The following TMEM232 variants were observed in gnomAD, a reference collection of about 807,000 sequenced individuals.
TMEM232 encodes transmembrane protein 232.
A neutral mutation model predicts 78.8 loss-of-function variants in TMEM232; 80 were observed. The observed-to-expected ratio is 1.01, with a 90% CI of 0.85 to 1.22. The LOEUF is 1.22. Ranked by LOEUF, TMEM232 falls within the 50% of genes most tolerant of loss-of-function variation. The pLI, the probability that TMEM232 is intolerant of heterozygous loss-of-function variation, is 0.00. For synonymous variants in TMEM232, 297 were observed against 254.3 expected (o/e 1.17, Z -1.60); for missense variants, 881 against 742.2 (o/e 1.19, Z -2.17).
At position 110,409,509 on chromosome 5, in the gene TMEM232, G is replaced by A. The variant is rs531419826; in HGVS notation, n.309-11655C>T. ...TTTATAATGAATGTGATTCTTAGAA[G>A]CATTGGAAAATGATATATCTCTGGT... On this transcript the variant is annotated intron_variant and non_coding_transcript_variant, in intron 2 of 8. Transcript: ENST00000507188. Among the ~76,000 whole-genome samples the A allele has an allele frequency of 4.6e-5, 7 of 152,294 alleles. No individual in the cohort carries two copies. In the South Asian group the frequency reaches 1.2e-3, roughly 27 times the overall value.
At chr5:110,488,086 T>C (rs985016282) in intron 12 of TMEM232, among the ~76,000 whole-genome samples, 1 of 151,992 alleles carries the variant, frequency 6.6e-6, no homozygotes, top group African/African-American at 2.4e-5. Context: ...GCTAGGAGGG[T>C]TGTATTTTTC....
intron 12 of TMEM232, among the ~76,000 whole-genome samples, chr5:110,521,933 G>C (rs1039733303): frequency 6.6e-6 from 1 of 151,994 alleles, no homozygotes; most frequent in Non-Finnish European, 1.5e-5. Context: ...GATTGATTTG[G>C]CTATTCACAA....
intron 2 of TMEM232, among the ~76,000 whole-genome samples, chr5:110,404,767 A>G (rs191084550): frequency 8.6e-4 from 131 of 152,224 alleles, no homozygotes; most frequent in African/African-American, 2.9e-3. Flanking sequence ...AAGAAAAACA[A>G]GTGCTTCCTA....
intron 8 of TMEM232, among the ~76,000 whole-genome samples, chr5:110,607,642 T>G (rs961397685): frequency 1.3e-5 from 2 of 151,972 alleles, no homozygotes; most frequent in Non-Finnish European, 2.9e-5. Context: ...TAAGTTTGAT[T>G]TAAAATTGAC....
At chr5:110,518,809 A>G (rs925458242) in intron 12 of TMEM232, among the ~76,000 whole-genome samples, 1 of 152,176 alleles carries the variant, frequency 6.6e-6, no homozygotes, top group Non-Finnish European at 1.5e-5. Flanking sequence ...CAAGGAAGAA[A>G]CTTTCCCACA....
At chr5:110,646,387 A>G (rs1580486337) in intron 2 of TMEM232, among the ~76,000 whole-genome samples, 2 of 151,924 alleles carry the variant, frequency 1.3e-5, no homozygotes. Flanking sequence ...CTAAAAGCCA[A>G]TGGAGGAGAA....
intron 11 of TMEM232, among the ~76,000 whole-genome samples, chr5:110,531,950 T>A (rs927190833): frequency 2.6e-5 from 4 of 152,168 alleles, no homozygotes; most frequent in East Asian, 3.9e-4. Context: ...CAGGACTTAA[T>A]TAACCTTGCC....
At chr5:110,708,031 A>G (rs1401914606) in intron 1 of TMEM232, among the ~76,000 whole-genome samples, 2 of 152,158 alleles carry the variant, frequency 1.3e-5, no homozygotes, top group Non-Finnish European at 2.9e-5. Flanking sequence ...TTACGCCATG[A>G]GCCTTGGGTG....
intron 8 of TMEM232, among the ~76,000 whole-genome samples, chr5:110,610,252 A>AAGGGAGGAAGGGAGGAAGGG (rs1179968960): frequency 5.6e-5 from 8 of 142,458 alleles, no homozygotes; most frequent in African/African-American, 1.6e-4. Context: ...GGAAGGGAGG[A>AAGGGAGGAAGGGAGGAAGGG]AGGGAGGAAG....
intron 1 of TMEM232, among the ~76,000 whole-genome samples, chr5:110,680,180 T>A (rs1580638440): frequency 6.6e-6 from 1 of 151,692 alleles, no homozygotes; most frequent in Admixed American, 6.6e-5. Flanking sequence ...AGGAGGATCA[T>A]CTGAGGTAGG....
At chr5:110,431,601 T>A (rs887701401) in intron 12 of TMEM232, among the ~76,000 whole-genome samples, 1 of 151,142 alleles carries the variant, frequency 6.6e-6, no homozygotes, top group Non-Finnish European at 1.5e-5. Context: ...TATATTGGAG[T>A]TACAAATATG....
At chr5:110,571,812 T>C (rs1041154078) in intron 10 of TMEM232, among the ~76,000 whole-genome samples, 1 of 150,312 alleles carries the variant, frequency 6.7e-6, no homozygotes, top group Non-Finnish European at 1.5e-5. Flanking sequence ...GAGCTATGGT[T>C]AAAAAAAAAT....
intron 5 of TMEM232, among the ~76,000 whole-genome samples, chr5:110,634,481 A>C (rs893248376): frequency 6.6e-6 from 1 of 152,102 alleles, no homozygotes; most frequent in Non-Finnish European, 1.5e-5. Flanking sequence ...TTAAAATCAA[A>C]ATCACACCAA....
intron 11 of TMEM232, among the ~76,000 whole-genome samples, chr5:110,546,283 T>C (rs1773771683): frequency 6.6e-6 from 1 of 152,092 alleles, no homozygotes; most frequent in African/African-American, 2.4e-5. Flanking sequence ...TAGTTAGGAA[T>C]GGATAATTTA....
At chr5:110,542,629 A>G (rs1773287199) in intron 11 of TMEM232, among the ~76,000 whole-genome samples, 1 of 151,948 alleles carries the variant, frequency 6.6e-6, no homozygotes, top group Non-Finnish European at 1.5e-5. Flanking sequence ...CCCCATAAAG[A>G]TTTATGGGGA....
At chr5:110,717,239 T>A (rs1050202476) in intron 1 of TMEM232, among the ~76,000 whole-genome samples, 16 of 151,038 alleles carry the variant, frequency 1.1e-4, no homozygotes, top group African/African-American at 3.4e-4. Context: ...CATATGGCCA[T>A]GAAATTTTAT....
At chr5:110,389,268 C>CAAACAAACAAACAAACAAAACA (rs6149176) in intron 4 of TMEM232, among the ~76,000 whole-genome samples, 15 of 151,370 alleles carry the variant, frequency 9.9e-5, no homozygotes, top group East Asian at 3.9e-4. Flanking sequence ...CTCAAACAAA[C>CAAACAAACAAACAAACAAAACA]AAACAAAACA....
At chr5:110,458,094 G>T in intron 12 of TMEM232, among the ~76,000 whole-genome samples, 1 of 151,376 alleles carries the variant, frequency 6.6e-6, no homozygotes, top group Non-Finnish European at 1.5e-5. Flanking sequence ...TGTTAATTTT[G>T]TTCATTAACT....
intron 1 of TMEM232, among the ~76,000 whole-genome samples, chr5:110,710,574 G>T (rs1042150943): frequency 6.6e-6 from 1 of 152,108 alleles, no homozygotes; most frequent in Non-Finnish European, 1.5e-5. Flanking sequence ...TCCCAGGGAT[G>T]CAAAGATGCT....
Sources: gnomAD v4.1 joint callset for allele counts (sites outside exome capture counted in the v4.1 genomes callset) on GRCh38, gnomAD v4.1.1 for gene constraint, MANE v1.5 for transcripts, NCBI Gene and HGNC (gene_info 2026-07-23, HGNC 2026-07-21) for gene names.